SSPN: variants seen among roughly 807,000 people sequenced by gnomAD.
The protein encoded by SSPN is sarcospan.
SSPN carries 15 observed loss-of-function variants against 19.1 expected under a neutral mutation model. The ratio of observed to expected loss-of-function variants is 0.78; its 90% CI spans 0.52 to 1.21. SSPN has a LOEUF of 1.21. SSPN is among the 50% of genes most tolerant of loss of function. The pLI, the probability that SSPN is intolerant of heterozygous loss-of-function variation, is 0.00. For synonymous variants in SSPN, 147 were observed against 140.3 expected, an observed-to-expected ratio of 1.05 and a Z score of -0.34; for missense variants, 291 against 314.0, an observed-to-expected ratio of 0.93 and a Z score of 0.55.
At chr12:26,129,980 G>A (rs1944388524) in intron 1 of SSPN, among the ~76,000 whole-genome samples, 1 of 152,164 alleles carries the variant, frequency 6.6e-6, no homozygotes, top group Non-Finnish European at 1.5e-5. Flanking sequence ...GACCACAATA[G>A]GAGGATTCCC....
intron 2 of SSPN, among the ~76,000 whole-genome samples, chr12:26,225,088 A>G (rs750150283): frequency 6.6e-6 from 1 of 152,228 alleles, no homozygotes; most frequent in South Asian, 2.1e-4. Context: ...CTCAACTACT[A>G]TAGCAAATAA....
At chr12:26,147,095 A>G (rs1383791220) in intron 1 of SSPN, among the ~76,000 whole-genome samples, 1 of 152,176 alleles carries the variant, frequency 6.6e-6, no homozygotes, top group African/African-American at 2.4e-5. Context: ...TCAAAACAAA[A>G]GCAAATTGGT....
At chr12:26,137,203 C>T (rs1348987095) in intron 1 of SSPN, among the ~76,000 whole-genome samples, 1 of 152,166 alleles carries the variant, frequency 6.6e-6, no homozygotes, top group Non-Finnish European at 1.5e-5. Flanking sequence ...AGTAATTTGT[C>T]CATGTCACAC....
intron 1 of SSPN, chr12:26,122,465 G>A: frequency 2.2e-6 from 3 of 1,352,364 alleles, no homozygotes; most frequent in Non-Finnish European, 9.6e-7. Flanking sequence ...GGAAGCAGAA[G>A]GGCAGGCAGA....
intron 1 of SSPN, among the ~76,000 whole-genome samples, chr12:26,220,361 C>A (rs958400383): frequency 1.3e-4 from 19 of 151,438 alleles, no homozygotes; most frequent in African/African-American, 4.6e-4. Context: ...ATAGCAAATA[C>A]CCTGTACAAG....
chr12:26,188,228 A>G (rs1003551859), intron 1 of SSPN, among the ~76,000 whole-genome samples: 4 of 152,228 alleles, frequency 2.6e-5, no homozygotes, highest in Non-Finnish European at 4.4e-5. Context: ...TGGGCTCAGC[A>G]TCTGTACTCA....
In SSPN at chr12:26,228,373, C is replaced by CAA. The variant is rs35945808; in HGVS notation, c.367-2324_367-2323dup. 5.4e-3 allele frequency among the ~76,000 whole-genome samples: 626 copies of CAA among 115,612 alleles called. 3 individuals are homozygous for CAA. Among genetic ancestry groups the CAA allele is most frequent in the East Asian group, 0.017 (76 of 4,420 alleles). 75.8% of individuals were successfully genotyped at this position (115,612 alleles called of 152,430 possible). ...GAGATCAAGCCACTGCACTCTGTCTCAAAAAAAAAAAAAAAGAAATTGCTA... is the reference window on the plus strand; with the variant it reads ...GAGATCAAGCCACTGCACTCTGTCTCAAAAAAAAAAAAAAAAAGAAATTGCTA... On this transcript the variant is annotated intron_variant, in intron 2 of 2. Transcript: ENST00000242729.
At chr12:26,157,326 G>A (rs1944561851) in intron 1 of SSPN, among the ~76,000 whole-genome samples, 2 of 152,140 alleles carry the variant, frequency 1.3e-5, no homozygotes, top group Non-Finnish European at 2.9e-5. Flanking sequence ...TTCTTTGATG[G>A]CTAATTCTAT....
At chr12:26,219,823 T>C (rs1189860847) in intron 1 of SSPN, among the ~76,000 whole-genome samples, 7 of 152,206 alleles carry the variant, frequency 4.6e-5, no homozygotes, top group Non-Finnish European at 8.8e-5. Context: ...ACACGTGCCA[T>C]TTGCCTTTGT....
chr12:26,123,134 G>A (rs1944329514), intron 1 of SSPN: 2 of 1,607,190 alleles, frequency 1.2e-6, no homozygotes, highest in East Asian at 2.2e-5. Context: ...ACGCATCCAA[G>A]TCGGACTGAA....
At chr12:26,122,324 T>A (rs1377317220) in intron 1 of SSPN, 1 of 1,140,728 alleles carries the variant, frequency 8.8e-7, no homozygotes. Flanking sequence ...CTGCCGCGGC[T>A]GCCGCCGGGG....
chr12:26,227,284 T>C (rs1187261138), intron 2 of SSPN, among the ~76,000 whole-genome samples: 2 of 152,130 alleles, frequency 1.3e-5, no homozygotes, highest in African/African-American at 4.8e-5. Flanking sequence ...GAGTATATAT[T>C]TATGTCTTAA....
At chr12:26,137,123 C>T (rs1430997568) in intron 1 of SSPN, among the ~76,000 whole-genome samples, 1 of 152,172 alleles carries the variant, frequency 6.6e-6, no homozygotes, top group African/African-American at 2.4e-5. Context: ...CATTTAATTG[C>T]TCAACAACCC....
chr12:26,131,332 T>C (rs1038621007), intron 1 of SSPN, among the ~76,000 whole-genome samples: 1 of 152,234 alleles, frequency 6.6e-6, no homozygotes. Context: ...CTCTTCTTCC[T>C]GTAGAATGCA....
At chr12:26,151,957 G>A (rs932924848) in intron 1 of SSPN, among the ~76,000 whole-genome samples, 2 of 152,138 alleles carry the variant, frequency 1.3e-5, no homozygotes, top group Non-Finnish European at 2.9e-5. Context: ...GAGAGAAGGA[G>A]GGGAAAGAGA....
At chr12:26,192,090 T>C (rs926471236), upstream of SSPN, among the ~76,000 whole-genome samples, 1 of 152,248 alleles carries the variant, frequency 6.6e-6, no homozygotes, top group African/African-American at 2.4e-5. Flanking sequence ...GAACTTCTGA[T>C]GCATAAATAC....
At position 26,189,853 on chromosome 12, in the gene SSPN, C is replaced by A. The variant is rs141106310; in HGVS notation, c.-30-34440C>A. ...CTTCATGTGATTTCTCTGTGGAGTT[C>A]AAGGACAGAGTGAATTTGAGGCACT... is the stretch of plus-strand genomic sequence containing the variant. On this transcript the variant is annotated intron_variant, in intron 1 of 2. Coordinates refer to the SSPN transcript ENST00000538142. Among the ~76,000 whole-genome samples the A allele has an allele frequency of 3.5e-3, 535 of 152,244 alleles. 5 individuals carry two copies. Among genetic ancestry groups the A allele is most frequent in the East Asian group, 0.03 (156 of 5,180 alleles).
chr12:26,157,890 C>CT (rs1282045687), intron 1 of SSPN, among the ~76,000 whole-genome samples: 1 of 152,136 alleles, frequency 6.6e-6, no homozygotes, highest in Non-Finnish European at 1.5e-5. Context: ...CTCATTTCTC[C>CT]TTTTAACATT....
intron 1 of SSPN, among the ~76,000 whole-genome samples, chr12:26,155,080 TA>T (rs1186606282): frequency 6.6e-6 from 1 of 152,168 alleles, no homozygotes; most frequent in African/African-American, 2.4e-5. Flanking sequence ...ATCGACTTTT[TA>T]GGGGAAAAAA....
Sources: allele counts gnomAD v4.1 joint callset (sites outside exome capture counted in the v4.1 genomes callset), GRCh38; gene constraint gnomAD v4.1.1; transcripts MANE v1.5; gene names NCBI Gene and HGNC (gene_info 2026-07-23, HGNC 2026-07-21).